Variants in PDE6B observed in about 807,000 individuals in gnomAD.
PDE6B encodes the protein rod cGMP-specific 3',5'-cyclic phosphodiesterase subunit beta.
PDE6B carries 106 observed loss-of-function variants against 109.0 expected under a neutral mutation model. That is an observed-to-expected ratio of 0.97 (90% CI 0.83 to 1.14). PDE6B has a LOEUF of 1.14. Ranked by LOEUF, PDE6B falls within the 50% of genes most tolerant of loss-of-function variation. PDE6B has a pLI of 0.00. For missense variants in PDE6B, 1,193 were observed against 1,155.6 expected, an observed-to-expected ratio of 1.03 and a Z score of -0.47; for synonymous variants, 490 against 471.3, an observed-to-expected ratio of 1.04 and a Z score of -0.51.
At chr4:629,898 C>T (rs1734299541) in intron 1 of PDE6B, among the ~76,000 whole-genome samples, 1 of 152,132 alleles carries the variant, frequency 6.6e-6, no homozygotes, top group Non-Finnish European at 1.5e-5. Context: ...CCCAGGCCTG[C>T]TAGAGGCAGA....
chr4:641,837 G>A (rs1734962097), intron 3 of PDE6B, among the ~76,000 whole-genome samples: 5 of 151,940 alleles, frequency 3.3e-5, no homozygotes. Context: ...AGTAGAGATG[G>A]GGTTTCACCA....
At chr4:657,131 T>C in intron 9 of PDE6B, 108 bp downstream of exon 9, 1 of 1,279,350 alleles carries the variant, frequency 7.8e-7, no homozygotes, top group Non-Finnish European at 1.1e-6. Flanking sequence ...CGTGTGCTCA[T>C]GTGTGTGCGG....
At chr4:654,989 A>T in intron 6 of PDE6B, 101 bp downstream of exon 6, 1 of 810,050 alleles carries the variant, frequency 1.2e-6, no homozygotes, top group Non-Finnish European at 2.2e-6. Flanking sequence ...CCCACGGTGC[A>T]GTCAGCAGCA....
chr4:634,352 G>A (rs867301396), intron 1 of PDE6B, among the ~76,000 whole-genome samples: 1 of 152,178 alleles, frequency 6.6e-6, no homozygotes, highest in South Asian at 2.1e-4. Context: ...CAGGCATCCA[G>A]GAAGCCCGAC....
intron 1 of PDE6B, 34 bp from the exon 2 acceptor site, chr4:634,643 C>T: frequency 6.3e-7 from 1 of 1,591,788 alleles, no homozygotes; most frequent in Non-Finnish European, 8.6e-7. Flanking sequence ...CACGGTGCGA[C>T]AGCCTCTTTA....
chr4:662,091 A>T lies in PDE6B; in HGVS notation c.1615-43A>T. ...CACAGGTGCCGCTCTGGCGGGACTT[A>T]CACGCTTGCCGCCGGAGCCCTGTGT... On this transcript the variant is annotated intron_variant, in intron 12 of 21. Transcript: ENST00000496514. This position sits in a 1 kb window ranked among gnomAD's most constrained non-coding sequence, Gnocchi z 4.3. 2.1e-6 allele frequency: 2 copies of T among 956,660 alleles called. No individual in the cohort carries two copies. The highest frequency in any genetic ancestry group is 3.3e-6 in the Non-Finnish European group (2 of 603,934). 59.3% of individuals were successfully genotyped at this position (956,660 alleles called of 1,614,324 possible).
chr4:652,595 A>C, intron 3 of PDE6B: 1 of 551,310 alleles, frequency 1.8e-6, no homozygotes, highest in Non-Finnish European at 2.3e-6. Context: ...ATGTGGGAAA[A>C]GTTTTAAATT....
intron 6 of PDE6B, 27 bp downstream of exon 6, chr4:654,915 T>C: frequency 7.5e-7 from 1 of 1,335,258 alleles, no homozygotes; most frequent in Non-Finnish European, 1.1e-6. Context: ...ACCAGAAGCG[T>C]CCCCGGGGGA....
At position 639,106 on chromosome 4, in the gene PDE6B, G is replaced by A. The variant is rs117512577; in HGVS notation, c.711+3137G>A. Among the ~76,000 whole-genome samples the A allele has an allele frequency of 5.3e-5, 8 of 152,208 alleles. No homozygotes were observed. In the East Asian group the frequency reaches 1.5e-3, roughly 29 times the overall value. On this transcript the variant is annotated intron_variant, in intron 3 of 21. Transcript: ENST00000496514. ...TTTACTACAGGTCCTGGGCAGGAAA[G>A]GCACCGTGATTCTGGAGGGCAGTTT...
intron 9 of PDE6B, among the ~76,000 whole-genome samples, 161 bp from the exon 10 acceptor site, chr4:657,190 G>C (rs917708765): frequency 6.6e-6 from 1 of 152,326 alleles, no homozygotes; most frequent in Non-Finnish European, 1.5e-5. Flanking sequence ...CCGGGAGCAG[G>C]AGCCTCTGCA....
chr4:625,994 T>C lies in PDE6B; in HGVS notation c.368T>C (p.Leu123Pro). 1.3e-6 allele frequency: 2 copies of C among 1,583,562 alleles called. No individual in the cohort carries two copies. Among genetic ancestry groups the C allele is most frequent in the Non-Finnish European group, 1.7e-6 (2 of 1,165,282 alleles). ...VQPDSVLEDCLVPPDSEIVFP... is the reference protein window; with the variant it reads ...VQPDSVLEDCPVPPDSEIVFP... The stretch of plus-strand genomic sequence containing the variant: ...CCGGACAGCGTCCTGGAGGACTGCC[T>C]GGTGCCCCCCGACTCCGAGATCGTC... Residue 123 changes from leucine to proline, a missense_variant, in exon 1 of 22, where the codon CTG (leucine) becomes CCG (proline). Transcript: ENST00000496514. This position sits in a 1 kb window ranked among gnomAD's most constrained non-coding sequence, Gnocchi z 5.0.
At chr4:639,615 T>G (rs1734852770) in intron 3 of PDE6B, among the ~76,000 whole-genome samples, 1 of 152,176 alleles carries the variant, frequency 6.6e-6, no homozygotes, top group Non-Finnish European at 1.5e-5. Flanking sequence ...GGTGCAGAAC[T>G]GGAAACTGTC....
intron 3 of PDE6B, among the ~76,000 whole-genome samples, chr4:639,378 G>A (rs1323304759): frequency 6.6e-6 from 1 of 152,228 alleles, no homozygotes; most frequent in African/African-American, 2.4e-5. Flanking sequence ...GTTCTGTGAT[G>A]TTTTTCTTGG....
At chr4:669,885 TAAGA>T (rs1340079846) in intron 21 of PDE6B, among the ~76,000 whole-genome samples, 157 bp from the exon 22 acceptor site, 2 of 152,122 alleles carry the variant, frequency 1.3e-5, no homozygotes, top group African/African-American at 4.8e-5. Context: ...GCTAAAGCAC[TAAGA>T]AAGGCTCAGC....
In PDE6B at chr4:646,314, C is replaced by T. The variant is rs761797519; in HGVS notation, c.712-7538C>T. 2.0e-5 allele frequency among the ~76,000 whole-genome samples: 3 copies of T among 151,980 alleles called. No individual in the cohort carries two copies. In the South Asian group the frequency reaches 6.2e-4, roughly 32 times the overall value. On this transcript the variant is annotated intron_variant, in intron 3 of 21. Coordinates refer to ENST00000496514, the MANE Select transcript of PDE6B (RefSeq NM_000283.4). Reference sequence around the variant, plus strand: ...TCCAATACTTCACTCTCCTCTTGCTCGCATCGTTTCTGATGAGATGTTTCC... The same window carrying T: ...TCCAATACTTCACTCTCCTCTTGCTTGCATCGTTTCTGATGAGATGTTTCC...
At position 626,223 on chromosome 4, in the gene PDE6B, G is replaced by A. The variant is rs1465084510; in HGVS notation, c.468+129G>A. Reference sequence around the variant, plus strand: ...TTGTCAGGGCACAGGCTAGTTCTGTGCTGAGGAGCAAGTACCTAGAGCCCC... The same window carrying A: ...TTGTCAGGGCACAGGCTAGTTCTGTACTGAGGAGCAAGTACCTAGAGCCCC... On this transcript the variant is annotated intron_variant, in intron 1 of 21. Coordinates refer to ENST00000496514, the MANE Select transcript of PDE6B (RefSeq NM_000283.4). The surrounding 1 kb of genome is among the most constrained non-coding windows in gnomAD (Gnocchi z 4.6). The A allele has an allele frequency of 6.2e-6, 4 of 647,908 alleles. No homozygotes were observed. Among genetic ancestry groups the A allele is most frequent in the Non-Finnish European group, 1.1e-5 (4 of 366,674 alleles). 40.1% of individuals were successfully genotyped at this position (647,908 alleles called of 1,614,324 possible).
At chr4:669,515 C>G (rs1004691457) in intron 21 of PDE6B, among the ~76,000 whole-genome samples, 2 of 112,568 alleles carry the variant, frequency 1.8e-5, no homozygotes, top group Non-Finnish European at 3.7e-5. Context: ...TTCCCACTAC[C>G]CCATGCTATT....
rs918564292 is a variant in PDE6B at position 648,902 on chromosome 4, C to T, written c.712-4950C>T. On this transcript the variant is annotated intron_variant, in intron 3 of 21. Coordinates refer to ENST00000496514, the MANE Select transcript of PDE6B (RefSeq NM_000283.4). The surrounding 1 kb of genome is among the most constrained non-coding windows in gnomAD (Gnocchi z 4.5). ...CGACTCAGGTCAGGCATGGGAGGAG[C>T]GGGGGAGCCTTCTGTCTCTGCAGGT... Among the ~76,000 whole-genome samples, 8 of 152,202 alleles carry T rather than the reference C, an allele frequency of 5.3e-5. No homozygotes were observed. Among genetic ancestry groups the T allele is most frequent in the Admixed American group, 3.9e-4 (6 of 15,286 alleles).
intron 12 of PDE6B, chr4:661,648 AC>A (rs1737115592): frequency 6.5e-6 from 1 of 153,824 alleles, no homozygotes; most frequent in East Asian, 1.9e-4. Flanking sequence ...TAATTTTCTG[AC>A]CCTAAAAATC....
Sources: allele counts gnomAD v4.1 joint callset (sites outside exome capture counted in the v4.1 genomes callset), GRCh38; gene constraint gnomAD v4.1.1; non-coding constraint Gnocchi (gnomAD v3.1); transcripts MANE v1.5; gene names NCBI Gene and HGNC (gene_info 2026-07-23, HGNC 2026-07-21).